ECT2: variants seen among roughly 807,000 people sequenced by gnomAD.
ECT2 encodes protein ECT2.
A neutral mutation model predicts 116.9 loss-of-function variants in ECT2; 61 were observed. That is an observed-to-expected ratio of 0.52 (90% CI 0.42 to 0.65). The LOEUF (loss-of-function observed/expected upper bound fraction) is 0.65. Among genes scored for constraint, ECT2 ranks in the 30% least tolerant of loss-of-function variants. The pLI is 0.00. For synonymous variants in ECT2, 358 were observed against 346.4 expected (o/e 1.03, Z -0.37); for missense variants, 937 against 1,078.7 (o/e 0.87, Z 1.84).
At chr3:172,817,988 A>G (rs1730060874) in intron 24 of ECT2, among the ~76,000 whole-genome samples, 1 of 152,122 alleles carries the variant, frequency 6.6e-6, no homozygotes, top group South Asian at 2.1e-4. Context: ...GTGAGTCTTA[A>G]GTAGTTATAA....
chr3:172,828,583 A>AT, the ECT2 span, among the ~76,000 whole-genome samples: 2 of 151,160 alleles, frequency 1.3e-5, no homozygotes, highest in African/African-American at 4.9e-5. Flanking sequence ...AAAACAGCCT[A>AT]TTCAATAAAT....
At chr3:172,807,570 C>T (rs969771517) in intron 21 of ECT2, 200 bp from the exon 22 acceptor site, 36 of 470,914 alleles carry the variant, frequency 7.6e-5, no homozygotes, top group South Asian at 7.5e-4. Flanking sequence ...TAGTTCCTTA[C>T]GTGGTATACT....
At chr3:172,823,295 T>C (rs532127399), downstream of ECT2, among the ~76,000 whole-genome samples, 63 of 148,366 alleles carry the variant, frequency 4.2e-4, no homozygotes, top group African/African-American at 1.6e-3. Flanking sequence ...TAAGGAGAAC[T>C]CCAGTCTCTA....
intron 20 of ECT2, 125 bp downstream of exon 20, chr3:172,803,105 A>T (rs538542833): frequency 2.5e-4 from 229 of 904,964 alleles, no homozygotes; most frequent in Non-Finnish European, 2.8e-4. Flanking sequence ...ATCTTTTTTT[A>T]AAAAAATCGA....
intron 16 of ECT2, 152 bp downstream of exon 16, chr3:172,784,061 T>G: frequency 1.7e-6 from 1 of 575,114 alleles, no homozygotes; most frequent in South Asian, 2.2e-5. Context: ...ACCATGATAT[T>G]TAGCTTTGGA....
chr3:172,768,070 C>T (rs908793875), intron 12 of ECT2, among the ~76,000 whole-genome samples: 1 of 152,074 alleles, frequency 6.6e-6, no homozygotes, highest in African/African-American at 2.4e-5. Flanking sequence ...ATGAAATACA[C>T]TGTTGCATCC....
At chr3:172,776,959 C>T (rs932345731) in intron 14 of ECT2, among the ~76,000 whole-genome samples, 25 of 151,890 alleles carry the variant, frequency 1.6e-4, no homozygotes, top group Admixed American at 1.4e-3. Context: ...ACTGCAACCT[C>T]CATCTCCCAG....
chr3:172,802,762 T>C (rs1726952314), intron 19 of ECT2, 68 bp downstream of exon 19: 2 of 1,510,458 alleles, frequency 1.3e-6, no homozygotes, highest in Non-Finnish European at 1.8e-6. Flanking sequence ...GTGGTTTTAA[T>C]ATAAATAATA....
chr3:172,805,533 A>G (rs1727521506), intron 20 of ECT2, among the ~76,000 whole-genome samples, 198 bp from the exon 21 acceptor site: 1 of 152,166 alleles, frequency 6.6e-6, no homozygotes, highest in African/African-American at 2.4e-5. Flanking sequence ...CTCTTCTTAT[A>G]TAAACATGAA....
chr3:172,814,597 T>C (rs1194931258), intron 22 of ECT2, among the ~76,000 whole-genome samples: 1 of 152,160 alleles, frequency 6.6e-6, no homozygotes, highest in African/African-American at 2.4e-5. Flanking sequence ...ATATTTTTAA[T>C]TACTTAGAAA....
intron 17 of ECT2, among the ~76,000 whole-genome samples, chr3:172,785,571 A>G (rs182259553): frequency 6.6e-6 from 1 of 151,836 alleles, no homozygotes; most frequent in African/African-American, 2.4e-5. Flanking sequence ...GTCTATAATA[A>G]AAGATATAAT....
At chr3:172,762,603 T>C (rs1007045477) in intron 9 of ECT2, 57 bp downstream of exon 9, 1 of 1,575,314 alleles carries the variant, frequency 6.3e-7, no homozygotes, top group South Asian at 1.2e-5. Flanking sequence ...GCCTGCTTAA[T>C]CACTTCCTGG....
chr3:172,775,901 T>A (rs1721575589), intron 14 of ECT2, among the ~76,000 whole-genome samples: 2 of 152,198 alleles, frequency 1.3e-5, no homozygotes, highest in African/African-American at 4.8e-5. Context: ...CCCAAGGTGC[T>A]GGGATTACAG....
intron 8 of ECT2, among the ~76,000 whole-genome samples, chr3:172,762,111 T>C (rs1359204212): frequency 6.6e-6 from 1 of 151,938 alleles, no homozygotes; most frequent in Non-Finnish European, 1.5e-5. Flanking sequence ...AAAGTTATCA[T>C]TATTTTAGAT....
chr3:172,825,261 T>C (rs1359130025), downstream of ECT2, among the ~76,000 whole-genome samples: 1 of 152,106 alleles, frequency 6.6e-6, no homozygotes, highest in Non-Finnish European at 1.5e-5. Context: ...ACTGCTCCAC[T>C]GAACAGCTGT....
chr3:172,794,878 C>A (rs1422117428), intron 18 of ECT2, among the ~76,000 whole-genome samples: 1 of 151,866 alleles, frequency 6.6e-6, no homozygotes, highest in Non-Finnish European at 1.5e-5. Context: ...TCACACCTGG[C>A]TAATTTTTTT....
chr3:172,772,022 G>A (rs1260891396), intron 13 of ECT2, among the ~76,000 whole-genome samples: 1 of 152,028 alleles, frequency 6.6e-6, no homozygotes, highest in Non-Finnish European at 1.5e-5. Context: ...TTGAGATAGG[G>A]TCTCACTCTG....
chr3:172,829,011 G>T, the ECT2 span: 1 of 942,212 alleles, frequency 1.1e-6, no homozygotes, highest in Non-Finnish European at 1.7e-6. Flanking sequence ...CACTGGTCTG[G>T]AACTCCTGTC....
chr3:172,758,769 A>G (rs1717608952), intron 5 of ECT2, among the ~76,000 whole-genome samples: 1 of 152,356 alleles, frequency 6.6e-6, no homozygotes, highest in East Asian at 1.9e-4. Context: ...TATATTGCAT[A>G]TGATTAAGGA....
Sources: gnomAD v4.1 joint callset for allele counts (sites outside exome capture counted in the v4.1 genomes callset) on GRCh38, gnomAD v4.1.1 for gene constraint, MANE v1.5 for transcripts, NCBI Gene and HGNC (gene_info 2026-07-23, HGNC 2026-07-21) for gene names.